The following LRMDA variants were observed in gnomAD, a reference collection of about 807,000 sequenced individuals.
LRMDA encodes leucine-rich melanocyte differentiation-associated protein.
In LRMDA, 18 loss-of-function variants were observed where a neutral mutation model predicts 29.8. That is an observed-to-expected ratio of 0.60 (90% CI 0.42 to 0.90). The LOEUF (loss-of-function observed/expected upper bound fraction) is 0.90, where lower values mean the gene tolerates loss of function less well. Among genes scored for constraint, LRMDA ranks in the 40% least tolerant of loss-of-function variants. LRMDA has a pLI of 0.00. For synonymous variants in LRMDA, 125 were observed against 109.4 expected, an observed-to-expected ratio of 1.14 and a Z score of -0.89; for missense variants, 273 against 273.9, an observed-to-expected ratio of 1.00 and a Z score of 0.02.
intron 5 of LRMDA, among the ~76,000 whole-genome samples, chr10:76,235,418 C>T (rs928119370): frequency 1.3e-5 from 2 of 152,050 alleles, no homozygotes; most frequent in African/African-American, 4.8e-5. Flanking sequence ...TAAGCACATG[C>T]TGTGGGAAAA....
intron 2 of LRMDA, among the ~76,000 whole-genome samples, chr10:75,670,574 C>A (rs1419848906): frequency 2.0e-5 from 3 of 152,170 alleles, no homozygotes; most frequent in Non-Finnish European, 4.4e-5. Flanking sequence ...TCCTTCCCAT[C>A]CTGGCTCCAA....
chr10:76,170,717 T>C (rs544596048), intron 5 of LRMDA, among the ~76,000 whole-genome samples: 2 of 152,346 alleles, frequency 1.3e-5, no homozygotes, highest in South Asian at 4.1e-4. Flanking sequence ...TGTAAAATTT[T>C]AAAATTCTAT....
intron 2 of LRMDA, among the ~76,000 whole-genome samples, chr10:76,014,143 T>TATAA (rs1564630519): frequency 5.4e-5 from 2 of 37,148 alleles, no homozygotes; most frequent in African/African-American, 1.3e-4. Context: ...TATATATATA[T>TATAA]AATTATATAT....
intron 6 of LRMDA, among the ~76,000 whole-genome samples, chr10:76,522,175 C>T (rs1843127970): frequency 6.6e-6 from 1 of 152,100 alleles, no homozygotes; most frequent in African/African-American, 2.4e-5. Context: ...GAATTTCAGA[C>T]TCATTTTATC....
intron 2 of LRMDA, among the ~76,000 whole-genome samples, chr10:75,657,477 A>G (rs1421049876): frequency 6.6e-6 from 1 of 152,206 alleles, no homozygotes; most frequent in Non-Finnish European, 1.5e-5. Flanking sequence ...CACAGCAGCC[A>G]GGCAAGCACT....
chr10:76,389,083 T>G (rs533442619), intron 6 of LRMDA, among the ~76,000 whole-genome samples: 1 of 151,804 alleles, frequency 6.6e-6, no homozygotes, highest in Non-Finnish European at 1.5e-5. Flanking sequence ...AACTGAGTTA[T>G]GAAGGATTAA....
chr10:75,663,623 A>G (rs1314251420), intron 2 of LRMDA, among the ~76,000 whole-genome samples: 3 of 152,198 alleles, frequency 2.0e-5, no homozygotes, highest in Non-Finnish European at 4.4e-5. Flanking sequence ...AGATACCCAC[A>G]GTCTACAGAG....
At chr10:76,077,592 C>G (rs1848980063) in intron 5 of LRMDA, among the ~76,000 whole-genome samples, 1 of 152,074 alleles carries the variant, frequency 6.6e-6, no homozygotes, top group Non-Finnish European at 1.5e-5. Context: ...CATAGTTTCT[C>G]AGTGTTTTCT....
intron 2 of LRMDA, among the ~76,000 whole-genome samples, chr10:75,677,352 T>G (rs16932550): frequency 0.035 from 5,298 of 149,280 alleles, 198 homozygotes; most frequent in East Asian, 0.13. Context: ...GGGAGAGAAT[T>G]TTTGTGAGGA....
intron 6 of LRMDA, among the ~76,000 whole-genome samples, chr10:76,401,085 A>G (rs1051585103): frequency 1.3e-5 from 2 of 151,684 alleles, no homozygotes; most frequent in African/African-American, 2.4e-5. Flanking sequence ...GGGATACTCA[A>G]CCTGTGCTAG....
intron 5 of LRMDA, among the ~76,000 whole-genome samples, chr10:76,307,774 C>A (rs1840576635): frequency 6.6e-6 from 1 of 152,084 alleles, no homozygotes; most frequent in African/African-American, 2.4e-5. Context: ...GGGAGGCCAC[C>A]ACGTGGAGAA....
chr10:75,896,656 G>T (rs1845587192), intron 2 of LRMDA, among the ~76,000 whole-genome samples: 1 of 152,214 alleles, frequency 6.6e-6, no homozygotes, highest in African/African-American at 2.4e-5. Flanking sequence ...TGTGGGTGAT[G>T]ATCACACATA....
chr10:75,847,702 C>T (rs950800467), intron 2 of LRMDA, among the ~76,000 whole-genome samples: 3 of 151,996 alleles, frequency 2.0e-5, no homozygotes, highest in African/African-American at 4.8e-5. Flanking sequence ...AGAAGTTCTC[C>T]AAAGAAGATA....
intron 6 of LRMDA, among the ~76,000 whole-genome samples, chr10:76,524,595 G>A (rs149090464): frequency 3.3e-4 from 50 of 152,296 alleles, no homozygotes; most frequent in African/African-American, 1.2e-3. Flanking sequence ...GAGAAACAGC[G>A]TGATGGCTCT....
chr10:76,058,342 C>A (rs1385219039), intron 4 of LRMDA, among the ~76,000 whole-genome samples: 1 of 152,146 alleles, frequency 6.6e-6, no homozygotes, highest in Non-Finnish European at 1.5e-5. Flanking sequence ...AGAAGCTGAG[C>A]CTGTTTTCTA....
chr10:75,920,364 TC>T (rs1252873908), intron 2 of LRMDA, among the ~76,000 whole-genome samples: 1 of 152,194 alleles, frequency 6.6e-6, no homozygotes, highest in Non-Finnish European at 1.5e-5. Flanking sequence ...TAAGCATCCT[TC>T]GGTGATCATG....
At chr10:76,257,912 C>A (rs1852627839) in intron 5 of LRMDA, among the ~76,000 whole-genome samples, 1 of 152,194 alleles carries the variant, frequency 6.6e-6, no homozygotes, top group Admixed American at 6.5e-5. Context: ...TCCATGTGAT[C>A]TCTCTTCTTC....
At chr10:75,937,235 A>G (rs373192978) in intron 2 of LRMDA, among the ~76,000 whole-genome samples, 1 of 152,182 alleles carries the variant, frequency 6.6e-6, no homozygotes. Context: ...ATCTTATTTT[A>G]TTTATGTGAA....
chr10:76,386,777 G>A (rs1841664904), intron 6 of LRMDA, among the ~76,000 whole-genome samples: 1 of 151,668 alleles, frequency 6.6e-6, no homozygotes, highest in Non-Finnish European at 1.5e-5. Flanking sequence ...GCAAAATTAA[G>A]GAAAATAAGC....
Sources: gnomAD v4.1 joint callset for allele counts (sites outside exome capture counted in the v4.1 genomes callset) on GRCh38, gnomAD v4.1.1 for gene constraint, MANE v1.5 for transcripts, NCBI Gene and HGNC (gene_info 2026-07-23, HGNC 2026-07-21) for gene names.